Variants in STXBP6 observed in about 807,000 individuals in gnomAD.
STXBP6 encodes syntaxin binding protein 6.
STXBP6 carries 21 observed loss-of-function variants against 26.9 expected under a neutral mutation model. The observed-to-expected ratio is 0.78, with a 90% CI of 0.55 to 1.12. The LOEUF is 1.12. STXBP6 is among the 50% of genes most tolerant of loss of function. STXBP6 has a pLI of 0.00. For missense variants in STXBP6, 232 were observed against 257.9 expected (o/e 0.90, Z 0.69); for synonymous variants, 97 against 92.6 (o/e 1.05, Z -0.27).
At chr14:24,977,252 A>T (rs2074073557) in intron 1 of STXBP6, among the ~76,000 whole-genome samples, 1 of 151,812 alleles carries the variant, frequency 6.6e-6, no homozygotes, top group Non-Finnish European at 1.5e-5. Context: ...AACTGTAGTT[A>T]AAAGAAAAAG....
chr14:24,905,585 G>A (rs1030938241), intron 2 of STXBP6, among the ~76,000 whole-genome samples: 6 of 152,142 alleles, frequency 3.9e-5, no homozygotes, highest in Non-Finnish European at 7.3e-5. Flanking sequence ...CTGTGGCTCT[G>A]TGACCTATGT....
intron 2 of STXBP6, among the ~76,000 whole-genome samples, chr14:24,951,484 GC>G (rs1372384354): frequency 6.6e-6 from 1 of 152,138 alleles, no homozygotes; most frequent in African/African-American, 2.4e-5. Flanking sequence ...GTGATGATGA[GC>G]TTTTTTTCAT....
chr14:24,931,138 A>AC (rs2072384899), intron 2 of STXBP6, among the ~76,000 whole-genome samples: 1 of 143,428 alleles, frequency 7.0e-6, no homozygotes, highest in Non-Finnish European at 1.5e-5. Context: ...AAAAAAAAAA[A>AC]AAAACCCAAA....
At chr14:24,942,704 G>A (rs533843202) in intron 2 of STXBP6, among the ~76,000 whole-genome samples, 42 of 152,326 alleles carry the variant, frequency 2.8e-4, no homozygotes, top group East Asian at 1.3e-3. Flanking sequence ...CATGAAAAGA[G>A]CAAATCAATT....
chr14:25,040,473 G>C (rs2075625091), intron 1 of STXBP6, among the ~76,000 whole-genome samples: 1 of 152,170 alleles, frequency 6.6e-6, no homozygotes, highest in African/African-American at 2.4e-5. Flanking sequence ...GTAAAATAGA[G>C]ATAAGTAACA....
intron 2 of STXBP6, among the ~76,000 whole-genome samples, chr14:24,914,367 T>G (rs1312196324): frequency 1.3e-5 from 2 of 152,208 alleles, no homozygotes; most frequent in Non-Finnish European, 2.9e-5. Context: ...CTTAACAGGA[T>G]AGTCAAATGC....
chr14:24,837,742 C>T (rs2068660973), intron 4 of STXBP6, among the ~76,000 whole-genome samples: 1 of 152,160 alleles, frequency 6.6e-6, no homozygotes, highest in African/African-American at 2.4e-5. Context: ...TATAATACTA[C>T]TATTAATTAA....
chr14:25,017,992 G>A (rs1755587044), intron 1 of STXBP6, among the ~76,000 whole-genome samples: 2 of 152,130 alleles, frequency 1.3e-5, no homozygotes, highest in African/African-American at 4.8e-5. Flanking sequence ...ATCACCCATA[G>A]GTCTTCTCCT....
At chr14:24,906,253 A>T (rs1004376546) in intron 2 of STXBP6, among the ~76,000 whole-genome samples, 1 of 152,206 alleles carries the variant, frequency 6.6e-6, no homozygotes, top group African/African-American at 2.4e-5. Context: ...ATATAAATTT[A>T]CCCTATAGGC....
intron 1 of STXBP6, among the ~76,000 whole-genome samples, chr14:24,989,848 C>T (rs957232555): frequency 1.3e-5 from 2 of 152,150 alleles, no homozygotes; most frequent in South Asian, 2.1e-4. Context: ...TAGCCTTCTG[C>T]CCTTTCTTAC....
chr14:25,020,272 C>T (rs2075237575), intron 1 of STXBP6, among the ~76,000 whole-genome samples: 1 of 152,158 alleles, frequency 6.6e-6, no homozygotes, highest in Admixed American at 6.5e-5. Flanking sequence ...AAATGACTTA[C>T]ATTTTCTCTA....
intron 2 of STXBP6, among the ~76,000 whole-genome samples, chr14:24,906,258 A>G (rs2071382931): frequency 1.3e-5 from 2 of 152,216 alleles, no homozygotes. Flanking sequence ...AATTTACCCT[A>G]TAGGCTAAAA....
chr14:24,928,297 A>T (rs1464442437), intron 2 of STXBP6, among the ~76,000 whole-genome samples: 1 of 152,152 alleles, frequency 6.6e-6, no homozygotes, highest in African/African-American at 2.4e-5. Flanking sequence ...ATATACTGGG[A>T]TATAGAAAGA....
intron 1 of STXBP6, among the ~76,000 whole-genome samples, chr14:25,021,572 A>G (rs2075264140): frequency 6.6e-6 from 1 of 152,138 alleles, no homozygotes; most frequent in African/African-American, 2.4e-5. Context: ...GTTCAAGTCA[A>G]TGACCACTTT....
chr14:24,916,503 A>T (rs1054792353), intron 2 of STXBP6, among the ~76,000 whole-genome samples: 1 of 152,148 alleles, frequency 6.6e-6, no homozygotes, highest in African/African-American at 2.4e-5. Context: ...GGGAGATTTT[A>T]TTTCTTTAAG....
intron 2 of STXBP6, among the ~76,000 whole-genome samples, chr14:24,970,619 C>A (rs926902802): frequency 6.6e-6 from 1 of 151,988 alleles, no homozygotes; most frequent in African/African-American, 2.4e-5. Flanking sequence ...TTTGTTTATG[C>A]ATTTAATATG....
intron 1 of STXBP6, among the ~76,000 whole-genome samples, chr14:25,037,724 T>C (rs1278234578): frequency 1.3e-5 from 2 of 152,224 alleles, no homozygotes; most frequent in Non-Finnish European, 2.9e-5. Flanking sequence ...TATGTATGTT[T>C]AGAGCAATTC....
chr14:25,000,825 G>A (rs1046302550), intron 1 of STXBP6, among the ~76,000 whole-genome samples: 1 of 150,794 alleles, frequency 6.6e-6, no homozygotes, highest in African/African-American at 2.4e-5. Flanking sequence ...GCCAGGCCTT[G>A]CTGAGTTTCC....
intron 2 of STXBP6, among the ~76,000 whole-genome samples, chr14:24,883,702 G>A (rs973014174): frequency 6.6e-6 from 1 of 151,958 alleles, no homozygotes; most frequent in African/African-American, 2.4e-5. Context: ...GGAATCACTG[G>A]GCTGGAATTA....
Sources: allele counts gnomAD v4.1 joint callset (sites outside exome capture counted in the v4.1 genomes callset), GRCh38; gene constraint gnomAD v4.1.1; transcripts MANE v1.5; gene names NCBI Gene and HGNC (gene_info 2026-07-23, HGNC 2026-07-21).